Variants in ANKRD40 observed in about 807,000 individuals in gnomAD.
ANKRD40 encodes ankyrin repeat domain-containing protein 40.
A neutral mutation model predicts 35.5 loss-of-function variants in ANKRD40; 24 were observed. That is an observed-to-expected ratio of 0.68 (90% CI 0.49 to 0.95). The LOEUF (loss-of-function observed/expected upper bound fraction) is 0.95. Among genes scored for constraint, ANKRD40 ranks in the 40% least tolerant of loss-of-function variants. The pLI is 0.00. For missense variants in ANKRD40, 361 were observed against 436.0 expected, an observed-to-expected ratio of 0.83 and a Z score of 1.53; for synonymous variants, 147 against 173.5, an observed-to-expected ratio of 0.85 and a Z score of 1.20.
At chr17:50,705,441 C>G (rs143637337) in intron 1 of ANKRD40, among the ~76,000 whole-genome samples, 1 of 147,028 alleles carries the variant, frequency 6.8e-6, no homozygotes, top group Non-Finnish European at 1.5e-5. Flanking sequence ...AAAAACAGAA[C>G]AAAAAGGTAG....
chr17:50,703,151 AAG>A (rs1968289561), intron 1 of ANKRD40, among the ~76,000 whole-genome samples: 1 of 152,228 alleles, frequency 6.6e-6, no homozygotes, highest in Admixed American at 6.5e-5. Flanking sequence ...TTGCAAATGC[AAG>A]AGAGTACGTT....
intron 3 of ANKRD40, among the ~76,000 whole-genome samples, chr17:50,697,506 G>A (rs1256945198): frequency 6.6e-6 from 1 of 152,200 alleles, no homozygotes; most frequent in Non-Finnish European, 1.5e-5. Flanking sequence ...TGGAAAGAAG[G>A]CATGGGCAGG....
At position 50,696,003 on chromosome 17, in the gene ANKRD40, A is replaced by C; in HGVS notation, c.1101T>G (p.Thr367=). 1 of 1,614,132 alleles carries C rather than the reference A, an allele frequency of 6.2e-7. No individual in the cohort carries two copies. Among genetic ancestry groups the C allele is most frequent in the East Asian group, 2.2e-5 (1 of 44,892 alleles). ...PCYNRRASKL[T]Y is the part of the protein sequence containing the mutation. ...GATAAAAGTCCCTGCTGCATTAGTA[A>C]GTCAGTTTTGAAGCTCTCCTGTTAT... Residue 367 remains threonine (T), a synonymous_variant, in exon 5 of 5, where the codon ACT becomes ACG. Transcript: ENST00000285243.
chr17:50,697,000 C>A lies in ANKRD40; in HGVS notation c.900G>T (p.Leu300=). The part of the protein sequence containing the change: ...QELLRVCCCE[L]GVNPDQVEKI... ...TCTCCACTTGATCTGGATTAACACC[C>A]AGCTCACAGCAACACACTCTGAGCA... The change falls in exon 4 of 5, where the codon CTG becomes CTT. Residue 300 remains leucine, a synonymous_variant. Coordinates refer to ENST00000285243, the MANE Select transcript of ANKRD40 (RefSeq NM_052855.4). 6.2e-7 allele frequency: 1 copy of A among 1,614,014 alleles called. No individual in the cohort carries two copies. The highest frequency in any genetic ancestry group is 8.5e-7 in the Non-Finnish European group (1 of 1,179,942).
At chr17:50,704,530 A>C (rs974752060) in intron 1 of ANKRD40, among the ~76,000 whole-genome samples, 12 of 151,474 alleles carry the variant, frequency 7.9e-5, no homozygotes, top group Non-Finnish European at 1.2e-4. Context: ...AAAAAAAAAA[A>C]AAAAAAAACC....
At position 50,700,664 on chromosome 17, in the gene ANKRD40, G is replaced by A; in HGVS notation, c.187C>T (p.Leu63=). Residue 63 remains leucine, a synonymous_variant, in exon 2 of 5, where the codon CTG becomes TTG. Coordinates refer to ENST00000285243, the MANE Select transcript of ANKRD40 (RefSeq NM_052855.4). ...KRNHGQVVSY[L]LKSGADKEIL... is the part of the protein sequence containing the mutation. The stretch of plus-strand genomic sequence containing the variant: ...TCTTTGTCAGCTCCTGATTTTAACA[G>A]GTAAGAGACCACCTGACCATGGTTT... 6.2e-7 allele frequency: 1 copy of A among 1,614,014 alleles called. No individual in the cohort carries two copies. Among genetic ancestry groups the A allele is most frequent in the South Asian group, 1.1e-5 (1 of 91,080 alleles).
intron 1 of ANKRD40, among the ~76,000 whole-genome samples, chr17:50,702,471 C>A (rs1968283638): frequency 6.6e-6 from 1 of 151,832 alleles, no homozygotes; most frequent in Admixed American, 6.6e-5. Flanking sequence ...AGGATCCAAT[C>A]TACCCTTGAT....
intron 1 of ANKRD40, among the ~76,000 whole-genome samples, chr17:50,706,734 CAAA>C (rs756189222): frequency 1.1e-5 from 1 of 93,632 alleles, no homozygotes; most frequent in Non-Finnish European, 2.3e-5. Context: ...CCAAAAATAC[CAAA>C]AAAAAAAAAA....
chr17:50,695,945 C>A lies in ANKRD40; in HGVS notation c.*52G>T. The A allele has an allele frequency of 6.2e-7, 1 of 1,601,652 alleles. No individual in the cohort carries two copies. Among genetic ancestry groups the A allele is most frequent in the Non-Finnish European group, 8.5e-7 (1 of 1,172,206 alleles). ...TTTAGATCAATGGCTTGTCCTTGGC[C>A]CAGAGGTGATGCACACTGTCATAAT... On this transcript the variant is annotated 3_prime_UTR_variant, in exon 5 of 5. Transcript: ENST00000285243.
Position 50,695,955 on chromosome 17 carries a change from T to C in ANKRD40, c.*42A>G, listed in dbSNP as rs761367453. The stretch of plus-strand genomic sequence containing the variant: ...TGGCTTGTCCTTGGCCCAGAGGTGA[T>C]GCACACTGTCATAATACTCAGTGAT... On this transcript the variant is annotated 3_prime_UTR_variant, in exon 5 of 5. Coordinates refer to ENST00000285243, the MANE Select transcript of ANKRD40 (RefSeq NM_052855.4). The C allele has an allele frequency of 3.7e-6, 6 of 1,607,968 alleles. No homozygotes were observed. The highest frequency in any genetic ancestry group is 2.2e-5 in the East Asian group (1 of 44,818).
At chr17:50,697,226 C>G in intron 3 of ANKRD40, 105 bp from the exon 4 acceptor site, 1 of 1,134,208 alleles carries the variant, frequency 8.8e-7, no homozygotes, top group Non-Finnish European at 1.2e-6. Context: ...TGCCAAAGGT[C>G]TGTGCATGAT....
intron 1 of ANKRD40, among the ~76,000 whole-genome samples, chr17:50,701,257 T>G (rs1277648206): frequency 6.6e-6 from 1 of 152,206 alleles, no homozygotes; most frequent in Non-Finnish European, 1.5e-5. Flanking sequence ...TTTTCTTTCC[T>G]TAACACACAC....
chr17:50,701,142 A>G (rs1381564383), intron 1 of ANKRD40: 1 of 119,224 alleles, frequency 8.4e-6, no homozygotes, highest in African/African-American at 4.5e-5. Flanking sequence ...TTATCAGGAT[A>G]ATAACCATCT....
chr17:50,702,943 T>G (rs192682279), intron 1 of ANKRD40, among the ~76,000 whole-genome samples: 53 of 152,364 alleles, frequency 3.5e-4, no homozygotes, highest in Non-Finnish European at 5.9e-5. Flanking sequence ...TGATTAGTGA[T>G]CAATCTAATT....
chr17:50,695,716 A>C lies in ANKRD40; in HGVS notation c.*281T>G. 1 of 295,802 alleles carries C rather than the reference A, an allele frequency of 3.4e-6. No individual in the cohort carries two copies. The allele number at this position is 295,802 out of a possible 1,614,324, so 18.3% of individuals were successfully genotyped here. On this transcript the variant is annotated 3_prime_UTR_variant, in exon 5 of 5. Transcript: ENST00000285243. ...AACTCTCTTACATTCTGGACATAAA[A>C]CACACTGGATATAGAACCTTCAGCT...
At chr17:50,697,456 G>C (rs1379680322) in intron 3 of ANKRD40, among the ~76,000 whole-genome samples, 1 of 152,174 alleles carries the variant, frequency 6.6e-6, no homozygotes, top group Non-Finnish European at 1.5e-5. Flanking sequence ...ACAGGTTTGG[G>C]TATCAAACTA....
Position 50,699,388 on chromosome 17 carries a change from T to G in ANKRD40, c.778+11A>C, listed in dbSNP as rs570899479. 6.2e-7 allele frequency: 1 copy of G among 1,610,754 alleles called. No individual in the cohort carries two copies. The highest frequency in any genetic ancestry group is 1.3e-5 in the African/African-American group (1 of 74,950). ...CCCTGTTGCAGAGGCTGTTTGCTGATGAGGGGTTACCTTGCATATTAAATG... is the reference window on the plus strand; with the variant it reads ...CCCTGTTGCAGAGGCTGTTTGCTGAGGAGGGGTTACCTTGCATATTAAATG... On this transcript the variant is annotated intron_variant, in intron 3 of 4. Transcript: ENST00000285243.
Position 50,699,394 on chromosome 17 carries a change from G to A in ANKRD40, c.778+5C>T. On this transcript the variant is annotated splice_donor_5th_base_variant and intron_variant, in intron 3 of 4. Transcript: ENST00000285243. ...TGCAGAGGCTGTTTGCTGATGAGGG[G>A]TTACCTTGCATATTAAATGGAAATG... 6.2e-7 allele frequency: 1 copy of A among 1,612,572 alleles called. No homozygotes were observed.
chr17:50,696,788 A>T (rs1257293154), intron 4 of ANKRD40, 152 bp downstream of exon 4: 4 of 723,504 alleles, frequency 5.5e-6, no homozygotes, highest in Non-Finnish European at 8.3e-6. Context: ...GTCCCTATAG[A>T]CTCAGTAGAA....
Sources: allele counts gnomAD v4.1 joint callset (sites outside exome capture counted in the v4.1 genomes callset), GRCh38; gene constraint gnomAD v4.1.1; transcripts MANE v1.5; gene names NCBI Gene and HGNC (gene_info 2026-07-23, HGNC 2026-07-21).